The following PCSK2 variants were observed in gnomAD, a reference collection of about 807,000 sequenced individuals.
PCSK2 encodes neuroendocrine convertase 2.
A neutral mutation model predicts 69.7 loss-of-function variants in PCSK2; 14 were observed. That is an observed-to-expected ratio of 0.20 (90% CI 0.13 to 0.31). The LOEUF (loss-of-function observed/expected upper bound fraction) is 0.31. PCSK2 is among the 10% of genes least tolerant of loss of function. The probability of loss-of-function intolerance (pLI) is 1.00; values close to 1 mark genes in which losing one functional copy is unlikely to be tolerated. For synonymous variants in PCSK2, 307 were observed against 320.7 expected, an observed-to-expected ratio of 0.96 and a Z score of 0.46; for missense variants, 544 against 842.5, an observed-to-expected ratio of 0.65 and a Z score of 4.39.
At chr20:17,372,357 C>T (rs34398025) in intron 5 of PCSK2, among the ~76,000 whole-genome samples, 13,457 of 149,128 alleles carry the variant, frequency 0.09, 784 homozygotes, top group Non-Finnish European at 0.13. Context: ...CCAGCCTGGG[C>T]GACAGAGGGA....
At chr20:17,368,270 A>T (rs1290310200) in intron 4 of PCSK2, among the ~76,000 whole-genome samples, 1 of 152,182 alleles carries the variant, frequency 6.6e-6, no homozygotes, top group Admixed American at 6.5e-5. Context: ...TGGGCCAAGC[A>T]TACCACATGC....
chr20:17,239,326 C>T (rs1225802091), intron 1 of PCSK2, among the ~76,000 whole-genome samples: 2 of 152,178 alleles, frequency 1.3e-5, no homozygotes. Context: ...TTCCAGCTGA[C>T]TATGTTTCTA....
rs568546921 is a variant in PCSK2 at position 17,231,978 on chromosome 20, C to T, written c.177+4496C>T. ...CTGCCTTCAGGAAGAGCCCACTCTC[C>T]TTGCAAGGTTAACCTGATTCGTTCA... On this transcript the variant is annotated intron_variant, in intron 1 of 11. Coordinates refer to ENST00000262545, the MANE Select transcript of PCSK2 (RefSeq NM_002594.5). 1.1e-4 allele frequency among the ~76,000 whole-genome samples: 16 copies of T among 152,318 alleles called. No homozygotes were observed. The South Asian group carries it at 3.3e-3, about 32-fold the overall frequency.
intron 2 of PCSK2, among the ~76,000 whole-genome samples, chr20:17,262,677 A>T (rs74515875): frequency 0.02 from 2,978 of 152,292 alleles, 38 homozygotes; most frequent in Non-Finnish European, 0.028. Context: ...ATAGCTGTTA[A>T]ACAAAAGGGT....
At chr20:17,472,727 C>T (rs1221843603) in intron 11 of PCSK2, among the ~76,000 whole-genome samples, 2 of 151,966 alleles carry the variant, frequency 1.3e-5, no homozygotes, top group African/African-American at 4.8e-5. Context: ...CCACCAAACC[C>T]GGCTAATTTT....
intron 1 of PCSK2, among the ~76,000 whole-genome samples, chr20:17,255,729 T>C (rs181651874): frequency 4.9e-4 from 75 of 152,288 alleles, no homozygotes; most frequent in African/African-American, 1.7e-3. Flanking sequence ...TCATGTGGTT[T>C]TTGTTATTTA....
intron 2 of PCSK2, among the ~76,000 whole-genome samples, chr20:17,286,691 T>C (rs1472153024): frequency 1.3e-5 from 2 of 152,170 alleles, no homozygotes; most frequent in African/African-American, 4.8e-5. Context: ...TGGTCAGGAA[T>C]CCAGTAAGAA....
chr20:17,306,828 A>C (rs1029297455), intron 2 of PCSK2, among the ~76,000 whole-genome samples: 2 of 152,172 alleles, frequency 1.3e-5, no homozygotes, highest in African/African-American at 4.8e-5. Flanking sequence ...TAGATGTCAG[A>C]CCTAATCACA....
intron 6 of PCSK2, among the ~76,000 whole-genome samples, chr20:17,413,438 A>G (rs1213889037): frequency 6.6e-6 from 1 of 152,130 alleles, no homozygotes; most frequent in African/African-American, 2.4e-5. Context: ...GACAAAGAAG[A>G]CCATTACATA....
intron 2 of PCSK2, among the ~76,000 whole-genome samples, chr20:17,325,668 A>T (rs1294666562): frequency 6.6e-6 from 1 of 152,240 alleles, no homozygotes; most frequent in Non-Finnish European, 1.5e-5. Context: ...GCTGGGGTAA[A>T]CTGTTCTAGA....
At chr20:17,282,745 G>T (rs575593067) in intron 2 of PCSK2, among the ~76,000 whole-genome samples, 11 of 149,926 alleles carry the variant, frequency 7.3e-5, no homozygotes, top group African/African-American at 2.7e-4. Context: ...GGGCACACAC[G>T]CTGTGAAAAA....
At chr20:17,452,277 C>A (rs1431648624) in intron 8 of PCSK2, among the ~76,000 whole-genome samples, 3 of 152,022 alleles carry the variant, frequency 2.0e-5, no homozygotes, top group African/African-American at 7.3e-5. Flanking sequence ...CCCTCGCTGT[C>A]CTGGTTTCTG....
At chr20:17,472,403 A>G (rs1247262904) in intron 11 of PCSK2, among the ~76,000 whole-genome samples, 1 of 152,188 alleles carries the variant, frequency 6.6e-6, no homozygotes, top group Non-Finnish European at 1.5e-5. Context: ...GCACAAGTTC[A>G]TGCCCACCTG....
intron 1 of PCSK2, among the ~76,000 whole-genome samples, chr20:17,231,555 A>C (rs1201668000): frequency 6.6e-6 from 1 of 152,224 alleles, no homozygotes; most frequent in Non-Finnish European, 1.5e-5. Flanking sequence ...TCTACAGGGA[A>C]TCCTAGAAAT....
intron 7 of PCSK2, 130 bp downstream of exon 7, chr20:17,429,653 AT>A (rs1386584423): frequency 5.1e-6 from 3 of 590,118 alleles, no homozygotes; most frequent in African/African-American, 1.9e-5. Context: ...AGTGAAAAAA[AT>A]TTTTTTCTTT....
intron 8 of PCSK2, among the ~76,000 whole-genome samples, chr20:17,438,647 AC>A (rs1052183655): frequency 6.6e-6 from 1 of 151,960 alleles, no homozygotes; most frequent in African/African-American, 2.4e-5. Flanking sequence ...CCTGGGGGCC[AC>A]CCCAGCTGCT....
At chr20:17,347,849 A>AAAGG (rs1431312628) in intron 2 of PCSK2, among the ~76,000 whole-genome samples, 3,295 of 103,336 alleles carry the variant, frequency 0.032, 286 homozygotes, top group East Asian at 0.15. Flanking sequence ...AGAAAGAAAG[A>AAAGG]AAGAAAGAAA....
chr20:17,242,398 CT>C (rs1205342805), intron 1 of PCSK2, among the ~76,000 whole-genome samples: 18 of 152,126 alleles, frequency 1.2e-4, no homozygotes, highest in Non-Finnish European at 2.4e-4. Context: ...GTGTTGAGCC[CT>C]ATGAAGATGA....
At chr20:17,454,142 T>C (rs2032877427) in intron 9 of PCSK2, among the ~76,000 whole-genome samples, 185 bp downstream of exon 9, 1 of 152,212 alleles carries the variant, frequency 6.6e-6, no homozygotes, top group Non-Finnish European at 1.5e-5. Context: ...AGACCTCCCA[T>C]CTGCGAGCTA....
Sources: gnomAD v4.1 joint callset for allele counts (sites outside exome capture counted in the v4.1 genomes callset) on GRCh38, gnomAD v4.1.1 for gene constraint, MANE v1.5 for transcripts, NCBI Gene and HGNC (gene_info 2026-07-23, HGNC 2026-07-21) for gene names.